CSMD3: variants seen among roughly 807,000 people sequenced by gnomAD.
CSMD3 encodes the protein CUB and sushi domain-containing protein 3.
Under a neutral mutation model 435.2 loss-of-function variants are expected in CSMD3, and 177 were observed. That is an observed-to-expected ratio of 0.41 (90% CI 0.36 to 0.46). The LOEUF (loss-of-function observed/expected upper bound fraction) is 0.46, where lower values mean the gene tolerates loss of function less well. Ranked by LOEUF, CSMD3 falls within the 20% of genes least tolerant of loss-of-function variation. The pLI is 0.34. For missense variants in CSMD3, 4,265 were observed against 4,504.6 expected, an observed-to-expected ratio of 0.95 and a Z score of 1.52; for synonymous variants, 1,656 against 1,520.5, an observed-to-expected ratio of 1.09 and a Z score of -2.07.
intron 54 of CSMD3, among the ~76,000 whole-genome samples, chr8:112,294,643 A>G (rs1202106732): frequency 6.6e-6 from 1 of 152,096 alleles, no homozygotes; most frequent in Non-Finnish European, 1.5e-5. Context: ...ACATACATAT[A>G]GGAAGAGATC....
chr8:113,201,399 G>T (rs1327338419), intron 3 of CSMD3, among the ~76,000 whole-genome samples: 1 of 151,938 alleles, frequency 6.6e-6, no homozygotes, highest in African/African-American at 2.4e-5. Context: ...TATGATTGGA[G>T]CTCTACTCCA....
At position 112,908,315 on chromosome 8, in the gene CSMD3, T is replaced by C. The variant is rs560117993; in HGVS notation, c.1633+13312A>G. 1.8e-3 allele frequency among the ~76,000 whole-genome samples: 272 copies of C among 151,660 alleles called. 1 individual carries two copies. Among genetic ancestry groups the C allele is most frequent in the Middle Eastern group, 3.4e-3 (1 of 294 alleles). ...AATCATAGACCCTCAGTAAAGTCTC[T>C]ATATTACAACTTCAGTTTCCTTAAA... On this transcript the variant is annotated intron_variant, in intron 10 of 70. Coordinates refer to ENST00000297405, the MANE Select transcript of CSMD3 (RefSeq NM_198123.2).
intron 2 of CSMD3, among the ~76,000 whole-genome samples, chr8:113,287,789 T>C (rs2093657535): frequency 6.6e-6 from 1 of 151,972 alleles, no homozygotes; most frequent in South Asian, 2.1e-4. Flanking sequence ...AAGCATTTGA[T>C]TTTGCAAACA....
chr8:112,363,341 A>G (rs1280576361), intron 38 of CSMD3, among the ~76,000 whole-genome samples: 1 of 152,034 alleles, frequency 6.6e-6, no homozygotes, highest in African/African-American at 2.4e-5. Context: ...TTTAGATAAA[A>G]AGTATACTTT....
intron 6 of CSMD3, among the ~76,000 whole-genome samples, chr8:112,992,488 G>T (rs965187890): frequency 6.6e-6 from 1 of 151,846 alleles, no homozygotes; most frequent in African/African-American, 2.4e-5. Context: ...CAAAGAAGGG[G>T]ATATCTTTGC....
At chr8:112,718,194 C>G (rs2076775986) in intron 13 of CSMD3, among the ~76,000 whole-genome samples, 1 of 152,020 alleles carries the variant, frequency 6.6e-6, no homozygotes. Flanking sequence ...TTCATTTCCT[C>G]TAGTTTTGTA....
intron 19 of CSMD3, among the ~76,000 whole-genome samples, chr8:112,648,188 C>T (rs577624664): frequency 2.0e-5 from 3 of 152,200 alleles, no homozygotes; most frequent in East Asian, 1.9e-4. Flanking sequence ...GACTAGTTAC[C>T]GCTGGGGCAA....
intron 17 of CSMD3, among the ~76,000 whole-genome samples, chr8:112,662,391 T>C (rs559637167): frequency 7.5e-4 from 114 of 152,170 alleles, no homozygotes; most frequent in African/African-American, 2.7e-3. Context: ...TATCTGATCT[T>C]TGACAAACCT....
chr8:112,665,426 G>A (rs1394230399), intron 17 of CSMD3, among the ~76,000 whole-genome samples: 1 of 152,084 alleles, frequency 6.6e-6, no homozygotes, highest in Non-Finnish European at 1.5e-5. Flanking sequence ...CCATGCAAAT[G>A]TTAACACTAG....
intron 10 of CSMD3, among the ~76,000 whole-genome samples, chr8:112,903,904 A>G (rs560082162): frequency 6.6e-6 from 1 of 151,444 alleles, no homozygotes; most frequent in East Asian, 2.0e-4. Flanking sequence ...TACAAATAAG[A>G]CAGAGTCCCT....
intron 32 of CSMD3, among the ~76,000 whole-genome samples, chr8:112,455,854 C>G (rs1466021804): frequency 8.6e-5 from 13 of 151,444 alleles, no homozygotes; most frequent in Admixed American, 8.6e-4. Context: ...GTAGATGATG[C>G]AAGCTGGGAT....
intron 1 of CSMD3, among the ~76,000 whole-genome samples, chr8:113,407,243 C>T (rs1215167015): frequency 1.3e-5 from 2 of 151,882 alleles, no homozygotes; most frequent in Non-Finnish European, 2.9e-5. Context: ...TGTTAAATTC[C>T]TCAAAGGTAG....
chr8:113,253,979 T>G (rs1390852188), intron 3 of CSMD3, among the ~76,000 whole-genome samples: 1 of 152,216 alleles, frequency 6.6e-6, no homozygotes, highest in Non-Finnish European at 1.5e-5. Flanking sequence ...TTTTTCCCTG[T>G]GCCTGACATG....
chr8:112,259,936 T>C (rs1411818802), intron 61 of CSMD3, among the ~76,000 whole-genome samples: 1 of 152,142 alleles, frequency 6.6e-6, no homozygotes, highest in African/African-American at 2.4e-5. Flanking sequence ...CATATTCAAA[T>C]AAAGGAGGGA....
chr8:113,322,906 C>T (rs952293741), intron 1 of CSMD3, among the ~76,000 whole-genome samples: 8 of 151,940 alleles, frequency 5.3e-5, no homozygotes, highest in African/African-American at 7.2e-5. Context: ...CCACCATGCC[C>T]GGCTAATTTT....
intron 12 of CSMD3, among the ~76,000 whole-genome samples, chr8:112,817,827 G>A (rs2079417716): frequency 6.6e-6 from 1 of 152,002 alleles, no homozygotes; most frequent in Non-Finnish European, 1.5e-5. Context: ...AATTTAGCAT[G>A]GCGTATGATG....
chr8:113,298,314 A>G (rs1295496920), intron 2 of CSMD3, among the ~76,000 whole-genome samples: 1 of 152,074 alleles, frequency 6.6e-6, no homozygotes. Context: ...TTTAACCTAA[A>G]TAAGGTTTTT....
chr8:112,863,810 T>C (rs1255022900), intron 10 of CSMD3, among the ~76,000 whole-genome samples: 1 of 152,058 alleles, frequency 6.6e-6, no homozygotes, highest in Non-Finnish European at 1.5e-5. Context: ...CAGCTGAAAT[T>C]TCCTAGTATA....
intron 55 of CSMD3, 143 bp from the exon 56 acceptor site, chr8:112,291,838 G>A: frequency 1.6e-6 from 1 of 625,644 alleles, no homozygotes; most frequent in Non-Finnish European, 2.7e-6. Flanking sequence ...TAATCCCATG[G>A]ATTATCTAGA....
Sources: allele counts gnomAD v4.1 joint callset (sites outside exome capture counted in the v4.1 genomes callset), GRCh38; gene constraint gnomAD v4.1.1; transcripts MANE v1.5; gene names NCBI Gene and HGNC (gene_info 2026-07-23, HGNC 2026-07-21).